RBFOX1: variants seen among roughly 807,000 people sequenced by gnomAD.
RBFOX1 encodes RNA binding protein fox-1 homolog 1.
Under a neutral mutation model 57.7 loss-of-function variants are expected in RBFOX1, and 8 were observed. That is an observed-to-expected ratio of 0.14 (90% CI 0.08 to 0.25). The LOEUF (loss-of-function observed/expected upper bound fraction) is 0.25, where lower values mean the gene tolerates loss of function less well. RBFOX1 is among the 10% of genes least tolerant of loss of function. The probability of loss-of-function intolerance (pLI) is 1.00; values close to 1 mark genes in which losing one functional copy is unlikely to be tolerated. For synonymous variants in RBFOX1, 326 were observed against 222.4 expected (o/e 1.47, Z -4.15); for missense variants, 611 against 548.5 (o/e 1.11, Z -1.14).
rs34213849 is a variant in RBFOX1 at position 7,131,341 on chromosome 16, C to CTT, written c.27+79265_27+79266dup. On this transcript the variant is annotated intron_variant, in intron 4 of 15. Coordinates refer to ENST00000550418, the MANE Select transcript of RBFOX1 (RefSeq NM_018723.4). ...AGCGTGGGCATTGCAGCGAGACTGT[C>CTT]TTTTTTTTTTTTTTTTTTTTTTTAA... Among the ~76,000 whole-genome samples the CTT allele has an allele frequency of 3.4e-3, 246 of 71,700 alleles. 1 individual carries two copies. Among genetic ancestry groups the CTT allele is most frequent in the African/African-American group, 6.5e-3 (112 of 17,240 alleles). 47.0% of individuals were successfully genotyped at this position (71,700 alleles called of 152,430 possible).
chr16:6,867,458 CAT>C (rs1244794294), intron 3 of RBFOX1, among the ~76,000 whole-genome samples: 2 of 152,026 alleles, frequency 1.3e-5, no homozygotes, highest in Non-Finnish European at 2.9e-5. Flanking sequence ...GGGGCTCACT[CAT>C]GTAATTCCAG....
downstream of RBFOX1, among the ~76,000 whole-genome samples, chr16:5,604,518 C>G (rs1220192862): frequency 6.6e-6 from 1 of 152,198 alleles, no homozygotes; most frequent in African/African-American, 2.4e-5. Context: ...TGACAGTGTG[C>G]TTTTCCCGGG....
At chr16:7,640,609 C>T (rs527659134) in intron 11 of RBFOX1, among the ~76,000 whole-genome samples, 9 of 152,212 alleles carry the variant, frequency 5.9e-5, no homozygotes, top group Non-Finnish European at 8.8e-5. Flanking sequence ...AGAACAAGGC[C>T]GAGATGAGAT....
rs188886615 is a variant in RBFOX1 at position 6,706,749 on chromosome 16, C to T, written c.-16+52099C>T. 3.5e-3 allele frequency among the ~76,000 whole-genome samples: 523 copies of T among 148,632 alleles called. 1 individual carries two copies. The highest frequency in any genetic ancestry group is 5.9e-3 in the Non-Finnish European group (401 of 67,724). On this transcript the variant is annotated intron_variant, in intron 3 of 15. Transcript: ENST00000550418. ...TTTTAATAGAGTGTGTGGCAGAGTT[C>T]CAATCTTACAAGACATACGGCCAGA...
At chr16:5,962,191 C>G (rs1264443014) in intron 4 of RBFOX1, among the ~76,000 whole-genome samples, 1 of 152,156 alleles carries the variant, frequency 6.6e-6, no homozygotes, top group African/African-American at 2.4e-5. Flanking sequence ...TATAGTTGGT[C>G]AAAACATAGT....
intron 3 of RBFOX1, among the ~76,000 whole-genome samples, chr16:6,935,922 T>C (rs1190374255): frequency 6.6e-6 from 1 of 152,194 alleles, no homozygotes; most frequent in Non-Finnish European, 1.5e-5. Flanking sequence ...TTTGTGTGAC[T>C]GGGGACCAAT....
intron 1 of RBFOX1, among the ~76,000 whole-genome samples, chr16:6,150,199 G>C (rs1191768663): frequency 1.3e-5 from 2 of 152,194 alleles, no homozygotes; most frequent in African/African-American, 4.8e-5. Flanking sequence ...CGTGAGACCA[G>C]AGAGGGTTGA....
chr16:6,394,506 G>T (rs1414188552), intron 2 of RBFOX1, among the ~76,000 whole-genome samples: 1 of 113,106 alleles, frequency 8.8e-6, no homozygotes, highest in African/African-American at 3.2e-5. Flanking sequence ...TGGGAAAATT[G>T]CTTTTTTTTT....
chr16:5,403,436 G>T (rs902654367), intron 1 of RBFOX1, among the ~76,000 whole-genome samples: 1 of 151,614 alleles, frequency 6.6e-6, no homozygotes, highest in South Asian at 2.1e-4. Flanking sequence ...AATATGCTCT[G>T]ATGTTTCTGT....
chr16:7,397,654 C>T (rs2098164580), intron 4 of RBFOX1, among the ~76,000 whole-genome samples: 4 of 152,146 alleles, frequency 2.6e-5, no homozygotes, highest in Admixed American at 6.5e-5. Flanking sequence ...AACTTGATGA[C>T]ACATGATTCA....
chr16:6,444,355 C>G (rs897623131), intron 2 of RBFOX1, among the ~76,000 whole-genome samples: 4 of 152,098 alleles, frequency 2.6e-5, no homozygotes, highest in Non-Finnish European at 5.9e-5. Context: ...GTGACCCCAC[C>G]CAAATCTCAT....
At chr16:7,344,647 C>G (rs1011305536) in intron 4 of RBFOX1, among the ~76,000 whole-genome samples, 1 of 151,762 alleles carries the variant, frequency 6.6e-6, no homozygotes, top group Non-Finnish European at 1.5e-5. Flanking sequence ...GGGATTTTTT[C>G]CTAAATAATT....
intron 1 of RBFOX1, among the ~76,000 whole-genome samples, chr16:6,216,006 G>T (rs2097333668): frequency 6.6e-6 from 1 of 152,086 alleles, no homozygotes; most frequent in Non-Finnish European, 1.5e-5. Context: ...GGAGTCCATT[G>T]TCCTTAGCAA....
chr16:5,708,661 G>A (rs8047750), intron 3 of RBFOX1, among the ~76,000 whole-genome samples: 138,032 of 152,166 alleles, frequency 0.91, 62,816 homozygotes, highest in Non-Finnish European at 0.94. Context: ...ACAGATACCT[G>A]TTTACTGCAC....
intron 3 of RBFOX1, among the ~76,000 whole-genome samples, chr16:5,766,318 G>A (rs139238463): frequency 4.3e-4 from 66 of 152,254 alleles, no homozygotes; most frequent in South Asian, 3.1e-3. Flanking sequence ...TGGGCACGGT[G>A]GCTCACGCCT....
intron 3 of RBFOX1, among the ~76,000 whole-genome samples, chr16:5,841,132 T>C (rs1185457267): frequency 2.0e-5 from 3 of 152,140 alleles, no homozygotes; most frequent in Non-Finnish European, 4.4e-5. Context: ...TGGCATTGCG[T>C]CAAACATTTT....
chr16:6,647,397 A>G (rs184176566), intron 2 of RBFOX1, among the ~76,000 whole-genome samples: 1 of 152,064 alleles, frequency 6.6e-6, no homozygotes, highest in East Asian at 1.9e-4. Flanking sequence ...GATGCCCACC[A>G]CCATGCCTGG....
chr16:7,558,751 C>T (rs990884982), intron 5 of RBFOX1, among the ~76,000 whole-genome samples: 2 of 152,186 alleles, frequency 1.3e-5, no homozygotes, highest in Non-Finnish European at 2.9e-5. Flanking sequence ...ATGTGCATTT[C>T]TAAAGAGCAT....
At chr16:7,702,665 G>A (rs2081140932) in intron 14 of RBFOX1, among the ~76,000 whole-genome samples, 1 of 152,072 alleles carries the variant, frequency 6.6e-6, no homozygotes, top group Non-Finnish European at 1.5e-5. Flanking sequence ...GGCCAATATT[G>A]GCTGTGACTC....
Sources: gnomAD v4.1 joint callset for allele counts (sites outside exome capture counted in the v4.1 genomes callset) on GRCh38, gnomAD v4.1.1 for gene constraint, MANE v1.5 for transcripts, NCBI Gene and HGNC (gene_info 2026-07-23, HGNC 2026-07-21) for gene names.